L3MBTL4: variants seen among roughly 807,000 people sequenced by gnomAD.
L3MBTL4 encodes L3MBTL histone methyl-lysine binding protein 4.
L3MBTL4 carries 70 observed loss-of-function variants against 84.5 expected under a neutral mutation model. That is an observed-to-expected ratio of 0.83 (90% CI 0.68 to 1.01). The LOEUF is 1.01. Among genes scored for constraint, L3MBTL4 ranks in the 50% least tolerant of loss-of-function variants. The probability of loss-of-function intolerance (pLI) is 0.00; values close to 1 mark genes in which losing one functional copy is unlikely to be tolerated. For synonymous variants in L3MBTL4, 274 were observed against 259.8 expected, an observed-to-expected ratio of 1.05 and a Z score of -0.52; for missense variants, 715 against 754.8, an observed-to-expected ratio of 0.95 and a Z score of 0.62.
chr18:6,270,957 G>A (rs2048840757), intron 4 of L3MBTL4, among the ~76,000 whole-genome samples: 1 of 152,172 alleles, frequency 6.6e-6, no homozygotes, highest in African/African-American at 2.4e-5. Flanking sequence ...GACTGAGAAT[G>A]GCAACACAAT....
At chr18:6,368,865 A>C (rs2054041411) in intron 1 of L3MBTL4, among the ~76,000 whole-genome samples, 1 of 152,078 alleles carries the variant, frequency 6.6e-6, no homozygotes, top group African/African-American at 2.4e-5. Flanking sequence ...AACATGGTGA[A>C]ACCCCGTCTC....
At chr18:6,392,573 G>A (rs1281684547) in intron 1 of L3MBTL4, among the ~76,000 whole-genome samples, 1 of 152,052 alleles carries the variant, frequency 6.6e-6, no homozygotes, top group Admixed American at 6.6e-5. Flanking sequence ...AATAGTGCTG[G>A]GAAAACTGAA....
chr18:6,101,121 C>T (rs1438485463), intron 14 of L3MBTL4, among the ~76,000 whole-genome samples: 1 of 152,140 alleles, frequency 6.6e-6, no homozygotes, highest in East Asian at 1.9e-4. Context: ...TGCTACACTG[C>T]CCCTTTGCTG....
In L3MBTL4 at chr18:6,321,658, C is replaced by T. The variant is rs560640559; in HGVS notation, c.-90-9602G>A. 2.1e-4 allele frequency among the ~76,000 whole-genome samples: 32 copies of T among 152,242 alleles called. No individual in the cohort carries two copies. In the East Asian group the frequency reaches 2.5e-3, roughly 12 times the overall value. Reference sequence around the variant, plus strand: ...GATATGGAACCAACCTAAGTACCATCGTTCAGTGGGTGAATAAATAAAATG... The same window carrying T: ...GATATGGAACCAACCTAAGTACCATTGTTCAGTGGGTGAATAAATAAAATG... On this transcript the variant is annotated intron_variant, in intron 1 of 18. Coordinates refer to ENST00000317931, the MANE Select transcript of L3MBTL4 (RefSeq NM_001330559.2).
intron 14 of L3MBTL4, among the ~76,000 whole-genome samples, chr18:6,108,483 G>A (rs2059085284): frequency 6.6e-6 from 1 of 152,134 alleles, no homozygotes; most frequent in African/African-American, 2.4e-5. Context: ...TACAATCTAT[G>A]AAGACTGGAA....
chr18:6,189,271 G>T (rs1241483923), intron 12 of L3MBTL4, among the ~76,000 whole-genome samples: 1 of 152,128 alleles, frequency 6.6e-6, no homozygotes, highest in Non-Finnish European at 1.5e-5. Flanking sequence ...AACCCAGGAT[G>T]AGCTCATCTC....
chr18:6,077,939 G>A (rs1009005222), intron 16 of L3MBTL4, among the ~76,000 whole-genome samples: 4 of 152,078 alleles, frequency 2.6e-5, no homozygotes, highest in Non-Finnish European at 4.4e-5. Context: ...TGAGGCAGAA[G>A]AATTGCTTGA....
chr18:6,352,957 A>C (rs1357071918), intron 1 of L3MBTL4, among the ~76,000 whole-genome samples: 2 of 152,208 alleles, frequency 1.3e-5, no homozygotes, highest in African/African-American at 4.8e-5. Flanking sequence ...TTAAAAGACA[A>C]ATACCTCCCG....
chr18:6,041,561 C>T (rs1241853001), intron 16 of L3MBTL4, among the ~76,000 whole-genome samples: 1 of 151,264 alleles, frequency 6.6e-6, no homozygotes, highest in Admixed American at 6.6e-5. Context: ...CGGGAAGAGC[C>T]TCACTACCTG....
At chr18:6,160,534 C>A (rs550663240) in intron 13 of L3MBTL4, among the ~76,000 whole-genome samples, 10 of 152,180 alleles carry the variant, frequency 6.6e-5, no homozygotes, top group African/African-American at 2.4e-4. Flanking sequence ...GAGTTCAAGA[C>A]CAGCCTGGCC....
chr18:6,212,998 C>A (rs2046173217), intron 12 of L3MBTL4, 151 bp downstream of exon 12: 1 of 534,990 alleles, frequency 1.9e-6, no homozygotes, highest in Non-Finnish European at 3.3e-6. Context: ...GGTCAATCTT[C>A]AAGGTCAAAT....
At chr18:6,179,934 G>A (rs113166371) in intron 12 of L3MBTL4, among the ~76,000 whole-genome samples, 314 of 152,228 alleles carry the variant, frequency 2.1e-3, no homozygotes, top group African/African-American at 7.3e-3. Flanking sequence ...CACTGAGTGC[G>A]GCCCTATATA....
intron 5 of L3MBTL4, among the ~76,000 whole-genome samples, chr18:6,245,390 G>A (rs1369746669): frequency 1.3e-5 from 2 of 151,922 alleles, no homozygotes; most frequent in Non-Finnish European, 2.9e-5. Flanking sequence ...TTTCCTTCCT[G>A]TACCCTGGAT....
At chr18:6,295,705 A>G (rs1388521015) in intron 4 of L3MBTL4, among the ~76,000 whole-genome samples, 2 of 152,166 alleles carry the variant, frequency 1.3e-5, no homozygotes, top group Non-Finnish European at 2.9e-5. Flanking sequence ...AAAGTTCTTT[A>G]CTTAGAAAGA....
At chr18:6,271,187 T>C (rs1430366173) in intron 4 of L3MBTL4, among the ~76,000 whole-genome samples, 3 of 152,218 alleles carry the variant, frequency 2.0e-5, no homozygotes, top group Admixed American at 2.0e-4. Context: ...ATGGTGAATG[T>C]GGTTAATAGA....
At chr18:6,181,610 G>A (rs1270404246) in intron 12 of L3MBTL4, among the ~76,000 whole-genome samples, 8 of 152,128 alleles carry the variant, frequency 5.3e-5, no homozygotes, top group Non-Finnish European at 1.0e-4. Flanking sequence ...GATTACAGGT[G>A]TGAGCCACCA....
chr18:6,200,111 T>C (rs1334897834), intron 12 of L3MBTL4, among the ~76,000 whole-genome samples: 1 of 152,214 alleles, frequency 6.6e-6, no homozygotes, highest in African/African-American at 2.4e-5. Flanking sequence ...CTACTGCAAA[T>C]TTCCTGAAGG....
chr18:6,111,781 T>C (rs887425573), intron 14 of L3MBTL4, among the ~76,000 whole-genome samples: 7 of 152,206 alleles, frequency 4.6e-5, no homozygotes, highest in Admixed American at 2.6e-4. Context: ...TATGGATACA[T>C]TGGAGAATGA....
intron 4 of L3MBTL4, among the ~76,000 whole-genome samples, chr18:6,278,575 T>A (rs2049186608): frequency 6.6e-6 from 1 of 152,350 alleles, no homozygotes; most frequent in Non-Finnish European, 1.5e-5. Flanking sequence ...TGTACTATCT[T>A]CCTCGGGTTT....
Sources: gnomAD v4.1 joint callset for allele counts (sites outside exome capture counted in the v4.1 genomes callset) on GRCh38, gnomAD v4.1.1 for gene constraint, MANE v1.5 for transcripts, NCBI Gene and HGNC (gene_info 2026-07-23, HGNC 2026-07-21) for gene names.